CXXC5: variants seen among roughly 807,000 people sequenced by gnomAD.
The protein encoded by CXXC5 is CXXC finger protein 5.
In CXXC5, 2 loss-of-function variants were observed where a neutral mutation model predicts 17.6. That is an observed-to-expected ratio of 0.11 (90% confidence interval 0.05 to 0.36). CXXC5 has a LOEUF of 0.36. Among genes scored for constraint, CXXC5 ranks in the 10% least tolerant of loss-of-function variants. CXXC5 has a pLI of 1.00. For missense variants in CXXC5, 343 were observed against 458.3 expected (o/e 0.75, Z 2.30); for synonymous variants, 171 against 193.0 (o/e 0.89, Z 0.94).
chr5:139,660,516 C>T (rs533683220), intron 1 of CXXC5, among the ~76,000 whole-genome samples: 17 of 152,146 alleles, frequency 1.1e-4, no homozygotes, highest in Non-Finnish European at 2.4e-4. Flanking sequence ...ATCTCCTATG[C>T]GAAGACCCCA....
chr5:139,660,298 G>A (rs577678008), intron 1 of CXXC5, among the ~76,000 whole-genome samples: 1 of 152,292 alleles, frequency 6.6e-6, no homozygotes, highest in South Asian at 2.1e-4. Flanking sequence ...GGTTGTGCCC[G>A]ACTGTGGCCT....
intron 1 of CXXC5, among the ~76,000 whole-genome samples, chr5:139,673,010 A>G (rs747465128): frequency 1.8e-4 from 27 of 152,178 alleles, no homozygotes; most frequent in Non-Finnish European, 3.8e-4. Flanking sequence ...GGTGAGGCCC[A>G]TCAGTAGGGA....
At chr5:139,654,162 CA>C (rs2126744258) in intron 1 of CXXC5, among the ~76,000 whole-genome samples, 1 of 152,094 alleles carries the variant, frequency 6.6e-6, no homozygotes, top group African/African-American at 2.4e-5. Flanking sequence ...GCCATCTCCC[CA>C]ACCCCCCACG....
rs748794317 is a variant in CXXC5, at chr5:139,680,689, C to A, written c.166C>A (p.Pro56Thr). 1.2e-6 allele frequency: 2 copies of A among 1,613,272 alleles called. No individual in the cohort carries two copies. Among genetic ancestry groups the A allele is most frequent in the Non-Finnish European group, 8.5e-7 (1 of 1,180,030 alleles). ...CTCAGTGGCAGATGACACACCACCC[C>A]CCGAGCGTCGGAACAAGAGCGGTAT... ...PASVADDTPPPERRNKSGIIS... is the reference protein window; with the variant it reads ...PASVADDTPPTERRNKSGIIS... The change falls in exon 2 of 3, where the codon CCC becomes ACC. Residue 56 changes from proline to threonine, a missense_variant. Transcript: ENST00000302517.
chr5:139,676,397 G>T (rs1384876595), intron 1 of CXXC5, among the ~76,000 whole-genome samples: 1 of 11,362 alleles, frequency 8.8e-5, no homozygotes, highest in African/African-American at 5.1e-4. Context: ...CTCCTCCCCA[G>T]GCCTCCTCCG....
intron 1 of CXXC5, among the ~76,000 whole-genome samples, chr5:139,655,634 C>T (rs1755449116): frequency 6.6e-6 from 1 of 152,014 alleles, no homozygotes; most frequent in Non-Finnish European, 1.5e-5. Context: ...GACCATCTCC[C>T]TGCCCTTTTC....
At chr5:139,651,730 G>A (rs1017880512) in intron 1 of CXXC5, among the ~76,000 whole-genome samples, 2 of 152,112 alleles carry the variant, frequency 1.3e-5, no homozygotes, top group African/African-American at 4.8e-5. Context: ...CAGGTTGCAG[G>A]ATAGGGTGGA....
chr5:139,654,669 C>G (rs1451707069), intron 1 of CXXC5, among the ~76,000 whole-genome samples: 1 of 152,242 alleles, frequency 6.6e-6, no homozygotes, highest in Non-Finnish European at 1.5e-5. Context: ...TTCTCTTCCT[C>G]ATCTGTAAAA....
At chr5:139,679,326 C>T (rs949852018) in intron 1 of CXXC5, among the ~76,000 whole-genome samples, 7 of 152,224 alleles carry the variant, frequency 4.6e-5, no homozygotes, top group African/African-American at 1.2e-4. Flanking sequence ...GATTGTGGTT[C>T]GGGGGTTGAG....
chr5:139,660,962 GA>G (rs1755770892), intron 1 of CXXC5, among the ~76,000 whole-genome samples: 1 of 142,890 alleles, frequency 7.0e-6, no homozygotes, highest in Admixed American at 7.9e-5. Flanking sequence ...AAGATGACCC[GA>G]TAGGCTTTTC....
At chr5:139,651,288 A>G (rs945633839) in intron 1 of CXXC5, 5 of 151,722 alleles carry the variant, frequency 3.3e-5, no homozygotes, top group Non-Finnish European at 5.9e-5. Context: ...AGGGCCTCCT[A>G]TCTCTCCCGC....
Position 139,681,258 on chromosome 5 carries a change from G to A in CXXC5, c.735G>A (p.Met245Ile), listed in dbSNP as rs1395591932. ...TGGCGGGCCTGGCTGAGTACCCCAT[G>A]CAGGGAGAGCTGGCCTCTGCCATCA... ...LHMAGLAEYP[M>I]QGELASAISS... Residue 245 changes from methionine to isoleucine, a missense_variant, in exon 2 of 3, where the codon ATG becomes ATA. This residue lies in a region of CXXC5 where 297 missense variants were observed against 363.4 expected (regional missense o/e 0.82). Transcript: ENST00000302517. 3.7e-6 allele frequency: 6 copies of A among 1,612,224 alleles called. No homozygotes were observed. The highest frequency in any genetic ancestry group is 2.7e-5 in the African/African-American group (2 of 74,942).
chr5:139,652,489 CAG>C (rs1331857123), intron 1 of CXXC5, among the ~76,000 whole-genome samples: 1 of 152,050 alleles, frequency 6.6e-6, no homozygotes, highest in Non-Finnish European at 1.5e-5. Flanking sequence ...TGTCAGCTGA[CAG>C]AGATGAGGCT....
intron 2 of CXXC5, 103 bp from the exon 3 acceptor site, chr5:139,682,760 T>C: frequency 2.5e-6 from 3 of 1,218,902 alleles, no homozygotes; most frequent in Non-Finnish European, 3.4e-6. Context: ...CCTCCATGCC[T>C]GTCCCTCCGC....
rs2126770157 is a variant in CXXC5 at position 139,663,022 on chromosome 5, G to A, written c.-161+14177G>A. 6.6e-6 allele frequency among the ~76,000 whole-genome samples: 1 copy of A among 152,298 alleles called. No homozygotes were observed. The highest frequency in any genetic ancestry group is 1.9e-4 in the East Asian group (1 of 5,178). The stretch of plus-strand genomic sequence containing the variant: ...TTCTGGGGGTGGCATCCCACAACAA[G>A]GGCTCCTTAATTAGAATGTCTTGGA... On this transcript the variant is annotated intron_variant, in intron 1 of 2. Transcript: ENST00000302517. This position sits in a 1 kb window ranked among gnomAD's most constrained non-coding sequence, Gnocchi z 4.2.
At chr5:139,665,891 G>A (rs1187098011) in intron 1 of CXXC5, 1 of 152,290 alleles carries the variant, frequency 6.6e-6, no homozygotes, top group Non-Finnish European at 1.5e-5. Flanking sequence ...GACCTGCTGA[G>A]GATAAGAACC....
chr5:139,650,317 G>C (rs531355736), intron 1 of CXXC5, among the ~76,000 whole-genome samples: 85 of 152,288 alleles, frequency 5.6e-4, no homozygotes, highest in African/African-American at 1.9e-3. Flanking sequence ...CTAAGGGGGT[G>C]ACCAGCGGAC....
At chr5:139,653,056 T>C (rs906670399) in intron 1 of CXXC5, among the ~76,000 whole-genome samples, 1 of 152,142 alleles carries the variant, frequency 6.6e-6, no homozygotes, top group African/African-American at 2.4e-5. Context: ...AGGCCCTGAA[T>C]GTGTGTGTAG....
At chr5:139,657,408 C>T (rs1475582782) in intron 1 of CXXC5, among the ~76,000 whole-genome samples, 1 of 152,228 alleles carries the variant, frequency 6.6e-6, no homozygotes, top group African/African-American at 2.4e-5. Flanking sequence ...CCCCATAACC[C>T]TTGGCAATGG....
Sources: gnomAD v4.1 joint callset for allele counts (sites outside exome capture counted in the v4.1 genomes callset) on GRCh38, gnomAD v4.1.1 for gene constraint, gnomAD v4.1.1 regional missense constraint, Gnocchi (gnomAD v3.1) non-coding constraint, MANE v1.5 for transcripts, NCBI Gene and HGNC (gene_info 2026-07-23, HGNC 2026-07-21) for gene names.